Variants in PCDHGA3 observed in about 807,000 individuals in gnomAD.
The protein encoded by PCDHGA3 is protocadherin gamma-A3.
PCDHGA3 carries 40 observed loss-of-function variants against 58.5 expected under a neutral mutation model. The ratio of observed to expected loss-of-function variants is 0.68; its 90% confidence interval spans 0.53 to 0.89. The LOEUF is 0.89. PCDHGA3 is among the 40% of genes least tolerant of loss of function. The pLI, the probability that PCDHGA3 is intolerant of heterozygous loss-of-function variation, is 0.00. For missense variants in PCDHGA3, 1,223 were observed against 1,195.9 expected (o/e 1.02, Z -0.33); for synonymous variants, 530 against 525.7 (o/e 1.01, Z -0.11).
At chr5:141,409,185 C>A in intron 1 of PCDHGA3, 1 of 1,614,024 alleles carries the variant, frequency 6.2e-7, no homozygotes, top group Non-Finnish European at 8.5e-7. Flanking sequence ...GGTGGTCTCT[C>A]TACCCAGTGT....
chr5:141,381,044 T>G (rs745590770), intron 1 of PCDHGA3, among the ~76,000 whole-genome samples: 1 of 152,278 alleles, frequency 6.6e-6, no homozygotes, highest in Admixed American at 6.5e-5. Flanking sequence ...AAAATTTATC[T>G]ACTTTGTGAA....
intron 1 of PCDHGA3, chr5:141,412,207 C>T (rs529672287): frequency 1.1e-3 from 173 of 152,330 alleles, no homozygotes; most frequent in African/African-American, 4.1e-3. Flanking sequence ...GGTCATTTGA[C>T]ATAAACACTT....
Position 141,477,656 on chromosome 5 carries a change from C to T in PCDHGA3, c.2425-17151C>T, listed in dbSNP as rs755621234. The T allele has an allele frequency of 1.9e-6, 3 of 1,614,184 alleles. No homozygotes were observed. The South Asian group carries it at 3.3e-5, about 18-fold the overall frequency. ...AGTGGGTCGCTATTTCACAATAAATCGTGACAATGGCATAGTGTCATCCTT... is the reference window on the plus strand; with the variant it reads ...AGTGGGTCGCTATTTCACAATAAATTGTGACAATGGCATAGTGTCATCCTT... On this transcript the variant is annotated intron_variant, in intron 1 of 3. Transcript: ENST00000253812. The surrounding 1 kb of genome is among the most constrained non-coding windows in gnomAD (Gnocchi z 4.9).
intron 1 of PCDHGA3, chr5:141,356,921 G>T (rs767463186): frequency 6.2e-7 from 1 of 1,613,978 alleles, no homozygotes; most frequent in Non-Finnish European, 8.5e-7. Context: ...GGCTCCACTG[G>T]TGTGGAGCTG....
At chr5:141,405,316 T>C (rs752153213) in intron 1 of PCDHGA3, 5 of 1,614,232 alleles carry the variant, frequency 3.1e-6, no homozygotes, top group Non-Finnish European at 4.2e-6. Context: ...GTGAGAAAAA[T>C]GAGCCTTTGT....
intron 3 of PCDHGA3, among the ~76,000 whole-genome samples, chr5:141,506,948 G>A (rs949082646): frequency 6.6e-6 from 1 of 152,162 alleles, no homozygotes; most frequent in Non-Finnish European, 1.5e-5. Flanking sequence ...TCCTGTCAAT[G>A]AATCCTCTCA....
chr5:141,427,764 T>C (rs1239199764), intron 1 of PCDHGA3: 4 of 1,383,480 alleles, frequency 2.9e-6, no homozygotes, highest in Non-Finnish European at 4.1e-6. Context: ...TACCACTGAC[T>C]TGGAGCTGCG....
chr5:141,395,542 TTGTGTGTGTG>T lies in PCDHGA3; in HGVS notation c.2424+49125_2424+49134del, dbSNP rs55729045. 945 of 172,430 alleles carry T rather than the reference TTGTGTGTGTG, an allele frequency of 5.5e-3. 2 individuals carry two copies. The highest frequency in any genetic ancestry group is 0.011 in the African/African-American group (192 of 17,544). 10.7% of individuals were successfully genotyped at this position (172,430 alleles called of 1,614,324 possible). A position where few individuals can be genotyped will look rare whatever the true frequency, so the allele number is the denominator to read the frequency against. On this transcript the variant is annotated intron_variant, in intron 1 of 3. Coordinates refer to ENST00000253812, the MANE Select transcript of PCDHGA3 (RefSeq NM_018916.4). ...TCCATACTGGTAATTTTGCTATTGT[TTGTGTGTGTG>T]TGTGTGTGTGTGTGTGTGTGTGTGT...
intron 1 of PCDHGA3, chr5:141,409,184 T>G: frequency 6.2e-7 from 1 of 1,614,044 alleles, no homozygotes; most frequent in East Asian, 2.2e-5. Context: ...AGGTGGTCTC[T>G]CTACCCAGTG....
intron 1 of PCDHGA3, among the ~76,000 whole-genome samples, chr5:141,424,839 A>G (rs1264853498): frequency 6.6e-6 from 1 of 152,198 alleles, no homozygotes; most frequent in Non-Finnish European, 1.5e-5. Context: ...CATACATGTT[A>G]TCTGAAGCAA....
rs775270875 is a variant in PCDHGA3 at position 141,410,577 on chromosome 5, A to G, written c.2424+64120A>G. ...TCTCCTGGAGCCTTAATTCCACCTCATGGTGGGGAGGATTTGACTTCACAT... is the reference window on the plus strand; with the variant it reads ...TCTCCTGGAGCCTTAATTCCACCTCGTGGTGGGGAGGATTTGACTTCACAT... On this transcript the variant is annotated intron_variant, in intron 1 of 3. Coordinates refer to ENST00000253812, the MANE Select transcript of PCDHGA3 (RefSeq NM_018916.4). 4 of 1,610,116 alleles carry G rather than the reference A, an allele frequency of 2.5e-6. No homozygotes were observed. In the Admixed American group the frequency reaches 5.0e-5, roughly 20 times the overall value.
At chr5:141,506,649 T>C (rs1487823663) in intron 3 of PCDHGA3, among the ~76,000 whole-genome samples, 1 of 152,114 alleles carries the variant, frequency 6.6e-6, no homozygotes, top group Admixed American at 6.6e-5. Context: ...CAGCACAGGA[T>C]TGGCAGAGAG....
At position 141,356,742 on chromosome 5, in the gene PCDHGA3, A is replaced by G. The variant is rs770003971; in HGVS notation, c.2424+10285A>G. 4.3e-6 allele frequency: 7 copies of G among 1,613,844 alleles called. No homozygotes were observed. The African/African-American group carries it at 8.0e-5, about 18-fold the overall frequency. On this transcript the variant is annotated intron_variant, in intron 1 of 3. Transcript: ENST00000253812. ...CCATCAACTCCAATACAGGGATCCTATATGCTCTTTGCTCCTTCGACTATG... is the reference window on the plus strand; with the variant it reads ...CCATCAACTCCAATACAGGGATCCTGTATGCTCTTTGCTCCTTCGACTATG...
intron 1 of PCDHGA3, chr5:141,423,081 C>A: frequency 6.2e-7 from 1 of 1,614,084 alleles, no homozygotes; most frequent in South Asian, 1.1e-5. Context: ...CGGGACTCTT[C>A]GCGGTGGGGG....
chr5:141,399,685 C>G (rs1344845350), intron 1 of PCDHGA3: 1 of 1,613,532 alleles, frequency 6.2e-7, no homozygotes, highest in African/African-American at 1.3e-5. Context: ...TGACTACGAG[C>G]AGCTGCGCAC....
chr5:141,464,273 A>G (rs1330533734), intron 1 of PCDHGA3, among the ~76,000 whole-genome samples: 1 of 136,736 alleles, frequency 7.3e-6, no homozygotes, highest in African/African-American at 3.0e-5. Context: ...TAAAAAAAAA[A>G]AAAAGCAAAA....
chr5:141,473,857 G>A (rs981688765), intron 1 of PCDHGA3, among the ~76,000 whole-genome samples: 1 of 152,164 alleles, frequency 6.6e-6, no homozygotes, highest in Non-Finnish European at 1.5e-5. Context: ...GATGAACCTC[G>A]CTATTGTGGA....
At chr5:141,393,504 A>G (rs369406530) in intron 1 of PCDHGA3, 1 of 1,614,036 alleles carries the variant, frequency 6.2e-7, no homozygotes, top group African/African-American at 1.3e-5. Flanking sequence ...CATCCACGTG[A>G]CAGTGTTGGA....
chr5:141,349,702 C>T (rs1758341031), intron 1 of PCDHGA3, among the ~76,000 whole-genome samples: 1 of 151,206 alleles, frequency 6.6e-6, no homozygotes, highest in African/African-American at 2.4e-5. Context: ...GTATTTTAGT[C>T]AACTAAAAAT....
Sources: allele counts gnomAD v4.1 joint callset (sites outside exome capture counted in the v4.1 genomes callset), GRCh38; gene constraint gnomAD v4.1.1; non-coding constraint Gnocchi (gnomAD v3.1); transcripts MANE v1.5; gene names NCBI Gene and HGNC (gene_info 2026-07-23, HGNC 2026-07-21).